Variants in EAPP observed in about 807,000 individuals in gnomAD.
EAPP encodes E2F-associated phosphoprotein.
Under a neutral mutation model 34.3 loss-of-function variants are expected in EAPP, and 38 were observed. That is an observed-to-expected ratio of 1.11 (90% confidence interval 0.85 to 1.45). The LOEUF is 1.45. Ranked by LOEUF, EAPP falls within the 40% of genes most tolerant of loss-of-function variation. EAPP has a pLI of 0.00. For synonymous variants in EAPP, 113 were observed against 117.6 expected, an observed-to-expected ratio of 0.96 and a Z score of 0.25; for missense variants, 338 against 343.7, an observed-to-expected ratio of 0.98 and a Z score of 0.13.
chr14:34,527,762 T>C (rs1880142665), intron 4 of EAPP, among the ~76,000 whole-genome samples: 2 of 151,660 alleles, frequency 1.3e-5, no homozygotes, highest in Admixed American at 1.3e-4. Context: ...AATAAGCAAA[T>C]CCACAGAGAC....
chr14:34,526,010 ACT>A (rs1351282728), intron 4 of EAPP, among the ~76,000 whole-genome samples: 3 of 151,942 alleles, frequency 2.0e-5, no homozygotes, highest in Non-Finnish European at 4.4e-5. Context: ...ACAGAGCGAG[ACT>A]CTGTCTCCAA....
chr14:34,521,260 AG>A (rs1184996454), intron 5 of EAPP, among the ~76,000 whole-genome samples: 1 of 150,870 alleles, frequency 6.6e-6, no homozygotes, highest in Non-Finnish European at 1.5e-5. Context: ...TAGTAGAGAC[AG>A]GGTTTCACCA....
At chr14:34,517,283 T>C (rs1371647244) in intron 5 of EAPP, among the ~76,000 whole-genome samples, 1 of 138,684 alleles carries the variant, frequency 7.2e-6, no homozygotes, top group Non-Finnish European at 1.6e-5. Context: ...GGTTTCACTC[T>C]TGTTGTCCAG....
At chr14:34,535,912 A>G (rs1235828818) in intron 2 of EAPP, 182 bp downstream of exon 2, 2 of 522,854 alleles carry the variant, frequency 3.8e-6, no homozygotes, top group Non-Finnish European at 6.5e-6. Flanking sequence ...TAATAAATAA[A>G]TAACTTTTTT....
rs1467638780 is a variant in EAPP at position 34,515,951 on chromosome 14, T to G, written c.*359A>C. On this transcript the variant is annotated 3_prime_UTR_variant, in exon 6 of 6. Coordinates refer to ENST00000250454, the MANE Select transcript of EAPP (RefSeq NM_018453.4). Reference sequence around the variant, plus strand: ...CAATACAGACAATTCAGGAAAGAGTTTCCAGTTTAATTACATCAAAGCTAT... The same window carrying G: ...CAATACAGACAATTCAGGAAAGAGTGTCCAGTTTAATTACATCAAAGCTAT... 5.4e-6 allele frequency: 1 copy of G among 185,786 alleles called. No individual in the cohort carries two copies. Among genetic ancestry groups the G allele is most frequent in the Non-Finnish European group, 1.1e-5 (1 of 89,672 alleles). The allele number at this position is 185,786 out of a possible 1,614,324, so 11.5% of individuals were successfully genotyped here. A position where few individuals can be genotyped will look rare whatever the true frequency, so the allele number is the denominator to read the frequency against.
intron 5 of EAPP, among the ~76,000 whole-genome samples, chr14:34,519,971 A>G (rs1594657090): frequency 6.9e-6 from 1 of 145,926 alleles, no homozygotes; most frequent in Non-Finnish European, 1.5e-5. Context: ...TGCAACCTCC[A>G]CCTCCCTGGT....
At chr14:34,528,025 C>T (rs1273265936) in intron 4 of EAPP, among the ~76,000 whole-genome samples, 1 of 149,644 alleles carries the variant, frequency 6.7e-6, no homozygotes, top group Non-Finnish European at 1.5e-5. Flanking sequence ...AAGCAGTGTA[C>T]CTAGAGTAGC....
At chr14:34,534,250 A>G (rs1315997987) in intron 2 of EAPP, among the ~76,000 whole-genome samples, 1 of 151,282 alleles carries the variant, frequency 6.6e-6, no homozygotes, top group Non-Finnish European at 1.5e-5. Context: ...CCCCTGCCTG[A>G]CCTTCCCGAG....
At chr14:34,536,022 G>C in intron 2 of EAPP, 72 bp downstream of exon 2, 1 of 1,098,320 alleles carries the variant, frequency 9.1e-7, no homozygotes, top group Non-Finnish European at 1.3e-6. Flanking sequence ...TGGGAACATA[G>C]AAGAGCACAA....
intron 5 of EAPP, among the ~76,000 whole-genome samples, chr14:34,520,932 C>G (rs1879896758): frequency 6.6e-6 from 1 of 152,036 alleles, no homozygotes; most frequent in Admixed American, 6.6e-5. Context: ...AAGATCCTCT[C>G]TTTGTCCATA....
chr14:34,523,396 C>T (rs896954523), intron 5 of EAPP, among the ~76,000 whole-genome samples: 6 of 151,998 alleles, frequency 3.9e-5, no homozygotes, highest in African/African-American at 1.4e-4. Flanking sequence ...CGCCACCATG[C>T]CCGGCTAATT....
chr14:34,523,922 C>G (rs1454734447), intron 5 of EAPP, among the ~76,000 whole-genome samples: 1 of 152,086 alleles, frequency 6.6e-6, no homozygotes, highest in Non-Finnish European at 1.5e-5. Context: ...CACCAAGAAT[C>G]TAAGTACAGA....
chr14:34,533,633 T>C, intron 2 of EAPP, 94 bp from the exon 3 acceptor site: 2 of 726,484 alleles, frequency 2.8e-6, no homozygotes, highest in East Asian at 2.8e-5. Flanking sequence ...CAAAACAATA[T>C]CAACTCATTC....
At chr14:34,529,261 G>T in intron 4 of EAPP, 97 bp downstream of exon 4, 1 of 892,162 alleles carries the variant, frequency 1.1e-6, no homozygotes, top group Non-Finnish European at 1.7e-6. Context: ...GTGTGTTTGT[G>T]TAAACATATA....
chr14:34,532,197 C>G (rs1266525286), intron 3 of EAPP, among the ~76,000 whole-genome samples: 1 of 151,104 alleles, frequency 6.6e-6, no homozygotes, highest in Non-Finnish European at 1.5e-5. Flanking sequence ...GTGGCTCACA[C>G]CAGTAATCCC....
At chr14:34,533,278 GC>G (rs1457768939) in intron 3 of EAPP, among the ~76,000 whole-genome samples, 165 bp downstream of exon 3, 1 of 151,980 alleles carries the variant, frequency 6.6e-6, no homozygotes, top group African/African-American at 2.4e-5. Context: ...CAGGTGATCT[GC>G]CTGCATCAGC....
At chr14:34,526,106 A>T (rs1880087042) in intron 4 of EAPP, among the ~76,000 whole-genome samples, 1 of 151,814 alleles carries the variant, frequency 6.6e-6, no homozygotes. Context: ...AAGTCCATGA[A>T]TTTTTTAAAA....
intron 4 of EAPP, among the ~76,000 whole-genome samples, chr14:34,526,258 G>A (rs1242070020): frequency 1.3e-5 from 2 of 151,570 alleles, no homozygotes; most frequent in South Asian, 2.1e-4. Flanking sequence ...GTGAAACCCC[G>A]TCTCTACTAA....
chr14:34,536,438 C>A, intron 1 of EAPP, 163 bp from the exon 2 acceptor site: 12 of 410,896 alleles, frequency 2.9e-5, no homozygotes, highest in East Asian at 1.3e-4. Context: ...GCCAGTTCTG[C>A]ATATTTCCAA....
Sources: gnomAD v4.1 joint callset for allele counts (sites outside exome capture counted in the v4.1 genomes callset) on GRCh38, gnomAD v4.1.1 for gene constraint, MANE v1.5 for transcripts, NCBI Gene and HGNC (gene_info 2026-07-23, HGNC 2026-07-21) for gene names.